Variants in PHGDH observed in about 807,000 individuals in gnomAD.
PHGDH encodes the protein D-3-phosphoglycerate dehydrogenase.
Under a neutral mutation model 52.6 loss-of-function variants are expected in PHGDH, and 50 were observed. The observed-to-expected ratio is 0.95, with a 90% CI of 0.76 to 1.20. PHGDH has a LOEUF of 1.20. PHGDH is among the 50% of genes most tolerant of loss of function. PHGDH has a pLI of 0.00. For missense variants in PHGDH, 630 were observed against 684.6 expected (o/e 0.92, Z 0.89); for synonymous variants, 271 against 280.5 (o/e 0.97, Z 0.34).
At chr1:119,731,204 G>T (rs1651675055) in intron 5 of PHGDH, among the ~76,000 whole-genome samples, 2 of 152,220 alleles carry the variant, frequency 1.3e-5, no homozygotes, top group African/African-American at 2.4e-5. Flanking sequence ...TCCGGAGCAA[G>T]GGAGGTGACA....
intron 3 of PHGDH, 53 bp from the exon 4 acceptor site, chr1:119,726,798 C>G (rs1651441394): frequency 6.8e-7 from 1 of 1,473,088 alleles, no homozygotes; most frequent in Non-Finnish European, 9.5e-7. Context: ...CATCTCCTTC[C>G]TGGGCTGGCG....
chr1:119,726,783 T>G (rs1369115684), intron 3 of PHGDH, 68 bp from the exon 4 acceptor site: 5 of 1,275,636 alleles, frequency 3.9e-6, no homozygotes, highest in Non-Finnish European at 5.7e-6. Context: ...GCAAACCTGA[T>G]GTTGCATCTC....
At chr1:119,718,455 G>T (rs2101149279) in intron 1 of PHGDH, among the ~76,000 whole-genome samples, 1 of 152,336 alleles carries the variant, frequency 6.6e-6, no homozygotes, top group Middle Eastern at 3.4e-3. Context: ...TTACAGTTTG[G>T]TTTTTGCACC....
chr1:119,725,774 T>A (rs587635623), intron 3 of PHGDH, among the ~76,000 whole-genome samples: 17 of 152,084 alleles, frequency 1.1e-4, no homozygotes, highest in Admixed American at 7.9e-4. Context: ...CACTCTGAGG[T>A]TTTTGGCATC....
At position 119,742,811 on chromosome 1, in the gene PHGDH, C is replaced by T; in HGVS notation, c.1214C>T (p.Thr405Ile). The change falls in exon 11 of 12, where the codon ACC becomes ATC. Residue 405 changes from threonine to isoleucine, a missense_variant. Thr to Ile is a moderately conservative substitution (Grantham distance 89). Transcript: ENST00000641023. Reference sequence around the variant, plus strand: ...CACCTTGCCTTCTCCACACAGGTCACCACCTCCCACAGCCCTGCTGCACCA... The same window carrying T: ...CACCTTGCCTTCTCCACACAGGTCATCACCTCCCACAGCCCTGCTGCACCA... ...LLVKEAGLNV[T>I]TSHSPAAPGE... is the part of the protein sequence containing the mutation. 1.2e-6 allele frequency: 2 copies of T among 1,601,908 alleles called. No homozygotes were observed. Among genetic ancestry groups the T allele is most frequent in the East Asian group, 2.3e-5 (1 of 44,416 alleles).
Position 119,712,204 on chromosome 1 carries a change from A to T in PHGDH, c.138+44A>T, listed in dbSNP as rs753367847. The stretch of plus-strand genomic sequence containing the variant: ...AATTGAGGTCTCTAGGGCAACCTCC[A>T]TGGAAAAAGGCTGGCTGCGCCCAGG... On this transcript the variant is annotated intron_variant, in intron 1 of 11. Transcript: ENST00000641023. The T allele has an allele frequency of 3.6e-5, 58 of 1,590,352 alleles. No homozygotes were observed. In the African/African-American group the frequency reaches 7.0e-4, roughly 19 times the overall value.
chr1:119,727,842 G>T (rs1232570023), intron 5 of PHGDH, among the ~76,000 whole-genome samples: 1 of 151,942 alleles, frequency 6.6e-6, no homozygotes, highest in Non-Finnish European at 1.5e-5. Flanking sequence ...TTAAAAAACA[G>T]AAACAAAAAC....
chr1:119,725,980 T>TAGAG (rs5777406), intron 3 of PHGDH, among the ~76,000 whole-genome samples: 136,519 of 151,900 alleles, frequency 0.9, 61,436 homozygotes, highest in East Asian at 0.98. Context: ...ATGTCTAAAA[T>TAGAG]AAAGTGCTCC....
In PHGDH at chr1:119,727,003, G is replaced by C. The variant is rs1651455730; in HGVS notation, c.412-1G>C. ...CTTTCCTTTTGCCTGTTTGGTTGCAGTTCATGGGAACAGAGCTGAATGGAA... is the reference window on the plus strand; with the variant it reads ...CTTTCCTTTTGCCTGTTTGGTTGCACTTCATGGGAACAGAGCTGAATGGAA... On this transcript the variant is annotated splice_acceptor_variant, in intron 4 of 11. Transcript: ENST00000641023. LOFTEE classifies it high-confidence loss of function. 10 of 1,613,092 alleles carry C rather than the reference G, an allele frequency of 6.2e-6. No homozygotes were observed. Among genetic ancestry groups the C allele is most frequent in the Non-Finnish European group, 8.5e-6 (10 of 1,178,964 alleles).
At chr1:119,741,361 A>C (rs1652199850) in intron 9 of PHGDH, among the ~76,000 whole-genome samples, 1 of 152,168 alleles carries the variant, frequency 6.6e-6, no homozygotes, top group Non-Finnish European at 1.5e-5. Context: ...GCTGGGCAGC[A>C]GTTGCTTCGG....
chr1:119,740,113 A>G (rs1652122621), intron 8 of PHGDH: 1 of 468,840 alleles, frequency 2.1e-6, no homozygotes, highest in East Asian at 4.2e-5. Flanking sequence ...TCTCCCATGG[A>G]GGGGGCTGGG....
chr1:119,726,915 G>A lies in PHGDH; in HGVS notation c.411+10G>A, dbSNP rs754273367. 8 of 1,613,916 alleles carry A rather than the reference G, an allele frequency of 5.0e-6. No individual in the cohort carries two copies. The highest frequency in any genetic ancestry group is 1.6e-4 in the Middle Eastern group (1 of 6,062). ...ATGGGAGCGGAAGAAGGTGAGCAGC[G>A]GCCTTGACTCGCCCCACCTGGGCTC... On this transcript the variant is annotated intron_variant, in intron 4 of 11. Transcript: ENST00000641023.
intron 10 of PHGDH, 58 bp downstream of exon 10, chr1:119,741,955 CA>C: frequency 6.8e-7 from 1 of 1,476,480 alleles, no homozygotes; most frequent in South Asian, 1.1e-5. Context: ...TCTTCTCCCC[CA>C]CATTTCCAGA....
At chr1:119,712,294 T>A in intron 1 of PHGDH, 134 bp downstream of exon 1, 8 of 620,634 alleles carry the variant, frequency 1.3e-5, no homozygotes, top group African/African-American at 1.9e-5. Flanking sequence ...GATTGGGGGG[T>A]AGAGAAGAAC....
chr1:119,714,715 G>A (rs919763641), intron 1 of PHGDH, among the ~76,000 whole-genome samples: 20 of 152,244 alleles, frequency 1.3e-4, no homozygotes, highest in Admixed American at 3.9e-4. Flanking sequence ...CAAAAAATAC[G>A]AACATTAGCT....
chr1:119,721,350 G>T (rs774051999), intron 2 of PHGDH, 29 bp downstream of exon 2: 5 of 1,608,958 alleles, frequency 3.1e-6, no homozygotes, highest in Non-Finnish European at 4.2e-6. Context: ...GGGCGGTTTG[G>T]GGGTAGGGGG....
Position 119,734,722 on chromosome 1 carries a change from G to C in PHGDH, c.599G>C (p.Cys200Ser). ...QLPLEEIWPL[C>S]DFITVHTPLL... ...CCCCTGGAGGAGATCTGGCCTCTCTGTGATTTCATCACTGTGCACACTCCT... is the reference window on the plus strand; with the variant it reads ...CCCCTGGAGGAGATCTGGCCTCTCTCTGATTTCATCACTGTGCACACTCCT... The change falls in exon 6 of 12, where the codon TGT becomes TCT. Residue 200 changes from cysteine to serine, a missense_variant. By Grantham distance (112) the Cys-to-Ser change is moderately radical (BLOSUM62 -1). Coordinates refer to ENST00000641023, the MANE Select transcript of PHGDH (RefSeq NM_006623.4). 1 of 1,613,950 alleles carries C rather than the reference G, an allele frequency of 6.2e-7. No homozygotes were observed. The highest frequency in any genetic ancestry group is 1.7e-5 in the Admixed American group (1 of 60,016).
At chr1:119,721,009 C>A in intron 1 of PHGDH, 161 bp from the exon 2 acceptor site, 1 of 749,834 alleles carries the variant, frequency 1.3e-6, no homozygotes, top group South Asian at 1.5e-5. Flanking sequence ...CCCACATTTC[C>A]CTAGTGAGTA....
chr1:119,711,935 C>G lies in PHGDH; in HGVS notation c.-88C>G, dbSNP rs1417696443. On this transcript the variant is annotated 5_prime_UTR_variant, in exon 1 of 12. Transcript: ENST00000641023. ...GGAGCGGGAGCTGGAGAATACTGCC[C>G]AGTTACTCTAGCGCGCCAGGCCGAA... The G allele has an allele frequency of 1.5e-6, 2 of 1,345,082 alleles. No homozygotes were observed. Among genetic ancestry groups the G allele is most frequent in the East Asian group, 2.3e-5 (1 of 43,602 alleles). The allele number at this position is 1,345,082 out of a possible 1,614,324, so 83.3% of individuals were successfully genotyped here. A position where few individuals can be genotyped will look rare whatever the true frequency, so the allele number is the denominator to read the frequency against.
Sources: allele counts gnomAD v4.1 joint callset (sites outside exome capture counted in the v4.1 genomes callset), GRCh38; gene constraint gnomAD v4.1.1; transcripts MANE v1.5; gene names NCBI Gene and HGNC (gene_info 2026-07-23, HGNC 2026-07-21).